The following HTR4 variants were observed in gnomAD, a reference collection of about 807,000 sequenced individuals.
HTR4 encodes 5-hydroxytryptamine receptor 4.
In HTR4, 16 loss-of-function variants were observed where a neutral mutation model predicts 36.8. The observed-to-expected ratio is 0.43, with a 90% CI of 0.29 to 0.66. The LOEUF (loss-of-function observed/expected upper bound fraction) is 0.66. HTR4 is among the 30% of genes least tolerant of loss of function. The pLI is 0.13. For missense variants in HTR4, 438 were observed against 490.9 expected (o/e 0.89, Z 1.02); for synonymous variants, 189 against 185.1 (o/e 1.02, Z -0.17).
At chr5:148,473,485 A>G (rs533303201), downstream of HTR4, among the ~76,000 whole-genome samples, 40 of 152,204 alleles carry the variant, frequency 2.6e-4, no homozygotes, top group Admixed American at 5.2e-4. Flanking sequence ...CAGTAATAAT[A>G]ACAGTAATAT....
chr5:148,516,312 C>CTTTTTTTTTTTTTTTTTTTTT (rs954784476), intron 5 of HTR4, among the ~76,000 whole-genome samples: 2 of 76,474 alleles, frequency 2.6e-5, no homozygotes, highest in African/African-American at 1.0e-4. Context: ...ATTCCCCCCT[C>CTTTTTTTTTTTTTTTTTTTTT]TTTTTTTTTT....
At chr5:148,558,915 G>C (rs751173169) in intron 2 of HTR4, among the ~76,000 whole-genome samples, 9 of 152,134 alleles carry the variant, frequency 5.9e-5, no homozygotes, top group Non-Finnish European at 1.0e-4. Context: ...TTATGATGGG[G>C]TTACCTCCCA....
downstream of HTR4, among the ~76,000 whole-genome samples, chr5:148,472,456 T>C (rs1244621125): frequency 1.3e-5 from 2 of 152,244 alleles, no homozygotes; most frequent in African/African-American, 4.8e-5. Flanking sequence ...AGAATGACTT[T>C]TACCTTGTCC....
At chr5:148,520,865 A>T in intron 5 of HTR4, 1 of 1,366,714 alleles carries the variant, frequency 7.3e-7, no homozygotes, top group Non-Finnish European at 9.8e-7. Flanking sequence ...CTTCTAATTC[A>T]CTCTTCTGCC....
chr5:148,487,585 G>T (rs1756222749), intron 6 of HTR4, among the ~76,000 whole-genome samples: 1 of 152,154 alleles, frequency 6.6e-6, no homozygotes. Context: ...GCCAGAGAGA[G>T]CAGCAATCTG....
downstream of HTR4, among the ~76,000 whole-genome samples, chr5:148,480,062 T>C (rs150645246): frequency 5.1e-3 from 775 of 152,312 alleles, 6 homozygotes; most frequent in African/African-American, 0.017. Flanking sequence ...ATTTTTTTCA[T>C]AGGATTTGTA....
chr5:148,556,950 A>G (rs1759974883), intron 2 of HTR4, among the ~76,000 whole-genome samples: 1 of 152,208 alleles, frequency 6.6e-6, no homozygotes, highest in Non-Finnish European at 1.5e-5. Context: ...GGATAAGTGC[A>G]TTGCATTCAA....
At chr5:148,557,007 G>A (rs1759977152) in intron 2 of HTR4, among the ~76,000 whole-genome samples, 1 of 152,168 alleles carries the variant, frequency 6.6e-6, no homozygotes, top group Non-Finnish European at 1.5e-5. Flanking sequence ...GATTTTTCAT[G>A]TTCACTATCA....
intron 2 of HTR4, among the ~76,000 whole-genome samples, chr5:148,570,714 C>T (rs1422362562): frequency 2.0e-5 from 3 of 151,928 alleles, no homozygotes; most frequent in Admixed American, 6.6e-5. Context: ...ATCATTAATT[C>T]GGTGATTGTT....
chr5:148,490,768 A>T lies in HTR4; in HGVS notation c.1077-7475T>A, dbSNP rs1271709903. 4.2e-6 allele frequency: 5 copies of T among 1,176,798 alleles called. No homozygotes were observed. The East Asian group carries it at 2.9e-4, about 67-fold the overall frequency. The allele number at this position is 1,176,798 out of a possible 1,614,324, so 72.9% of individuals were successfully genotyped here. ...ATTTTGTGCTGAAATACATGTTCTT[A>T]TAACCTCAATCCTTTGTTTCTTACC... On this transcript the variant is annotated intron_variant, in intron 6 of 6. Transcript: ENST00000377888.
At chr5:148,483,930 TTTTATTATTTATTTATTTA>T (rs1362524625) in intron 6 of HTR4, among the ~76,000 whole-genome samples, 5 of 138,244 alleles carry the variant, frequency 3.6e-5, no homozygotes, top group African/African-American at 1.3e-4. Flanking sequence ...GCCTAGTTGA[TTTTATTATTTATTTATTTA>T]TTTATTTATT....
intron 2 of HTR4, among the ~76,000 whole-genome samples, chr5:148,574,183 G>A (rs1760792311): frequency 6.6e-6 from 1 of 152,012 alleles, no homozygotes; most frequent in South Asian, 2.1e-4. Flanking sequence ...TGAAAAAGCT[G>A]CTATAGCAAA....
At chr5:148,531,505 T>C (rs546690145) in intron 4 of HTR4, among the ~76,000 whole-genome samples, 1 of 152,272 alleles carries the variant, frequency 6.6e-6, no homozygotes, top group East Asian at 1.9e-4. Flanking sequence ...TGTGAGTCCA[T>C]TAAACCTCTT....
At chr5:148,458,544 G>C (rs973409505) in intron 5 of HTR4, among the ~76,000 whole-genome samples, 1 of 152,086 alleles carries the variant, frequency 6.6e-6, no homozygotes, top group African/African-American at 2.4e-5. Flanking sequence ...GCATGTCAGA[G>C]GGGGGATGAG....
At chr5:148,503,589 G>A (rs370987344) in intron 6 of HTR4, among the ~76,000 whole-genome samples, 3 of 152,090 alleles carry the variant, frequency 2.0e-5, no homozygotes, top group Admixed American at 1.3e-4. Flanking sequence ...ATCAACTAAC[G>A]AGCAAAATAA....
rs1273202135 is a variant in HTR4, at chr5:148,509,999, T to A, written c.533A>T (p.Asn178Ile). Residue 178 changes from asparagine (N) to isoleucine (I), a missense_variant, in exon 6 of 7, where the codon AAC becomes ATC. Asn to Ile is a moderately radical substitution (Grantham distance 149, BLOSUM62 -3). Transcript: ENST00000377888. ...DLIEKRKFNQ[N>I]SNSTYCVFMV... ...GAAGACACAGTACGTAGAGTTAGAG[T>A]TCTGGTTGAACTTCCTCTTTTCTAT... The A allele has an allele frequency of 6.2e-7, 1 of 1,612,236 alleles. No individual in the cohort carries two copies. The highest frequency in any genetic ancestry group is 8.5e-7 in the Non-Finnish European group (1 of 1,179,124).
At chr5:148,638,458 A>C (rs1459347832) in intron 1 of HTR4, among the ~76,000 whole-genome samples, 1 of 152,310 alleles carries the variant, frequency 6.6e-6, no homozygotes, top group East Asian at 1.9e-4. Flanking sequence ...AGAGGATCAC[A>C]TCCATCTGGT....
At chr5:148,546,064 T>C (rs1759369500) in intron 4 of HTR4, among the ~76,000 whole-genome samples, 1 of 152,190 alleles carries the variant, frequency 6.6e-6, no homozygotes, top group African/African-American at 2.4e-5. Context: ...GGACTTGTCA[T>C]TATTTAAATG....
rs548769517 is a variant in HTR4 at position 148,503,513 on chromosome 5, A to G, written c.1076+5943T>C. On this transcript the variant is annotated intron_variant, in intron 6 of 6. Coordinates refer to ENST00000377888, the MANE Select transcript of HTR4 (RefSeq NM_000870.7). Reference sequence around the variant, plus strand: ...GGAAGCACTAAACATGGAAAGGAACAATCAGTACCAGCCACTGCAAAAACA... The same window carrying G: ...GGAAGCACTAAACATGGAAAGGAACGATCAGTACCAGCCACTGCAAAAACA... 8.5e-5 allele frequency among the ~76,000 whole-genome samples: 13 copies of G among 152,356 alleles called. No homozygotes were observed. The South Asian group carries it at 2.5e-3, about 29-fold the overall frequency.
Sources: gnomAD v4.1 joint callset for allele counts (sites outside exome capture counted in the v4.1 genomes callset) on GRCh38, gnomAD v4.1.1 for gene constraint, MANE v1.5 for transcripts, NCBI Gene and HGNC (gene_info 2026-07-23, HGNC 2026-07-21) for gene names.